Variants in CD37 observed in about 807,000 individuals in gnomAD.
CD37 encodes leukocyte antigen CD37.
In CD37, 37 loss-of-function variants were observed where a neutral mutation model predicts 38.9. The observed-to-expected ratio is 0.95, with a 90% confidence interval of 0.73 to 1.25. CD37 has a LOEUF of 1.25. Among genes scored for constraint, CD37 ranks in the 50% most tolerant of loss-of-function variants. The pLI is 0.00. For synonymous variants in CD37, 146 were observed against 150.1 expected (o/e 0.97, Z 0.20); for missense variants, 351 against 360.1 (o/e 0.97, Z 0.20).
At position 49,335,904 on chromosome 19, in the gene CD37, T is replaced by C. The variant is rs1241589378; in HGVS notation, c.142+118T>C. ...TCTGCAGGCAGGCTACAGGCTCCCA[T>C]CCACTGCTCACCGGAGGCTTCTTGG... On this transcript the variant is annotated intron_variant, in intron 2 of 7. Transcript: ENST00000323906. This position sits in a 1 kb window ranked among gnomAD's most constrained non-coding sequence, Gnocchi z 4.6. 8.7e-6 allele frequency: 7 copies of C among 801,536 alleles called. No individual in the cohort carries two copies. In the African/African-American group the frequency reaches 1.0e-4, roughly 12 times the overall value. The allele number at this position is 801,536 out of a possible 1,614,324, so 49.7% of individuals were successfully genotyped here. A position where few individuals can be genotyped will look rare whatever the true frequency, so the allele number is the denominator to read the frequency against.
At position 49,338,610 on chromosome 19, in the gene CD37, G is replaced by T; in HGVS notation, c.448-90G>T. 3 of 936,446 alleles carry T rather than the reference G, an allele frequency of 3.2e-6. No individual in the cohort carries two copies. Among genetic ancestry groups the T allele is most frequent in the South Asian group, 1.4e-5 (1 of 71,238 alleles). The allele number at this position is 936,446 out of a possible 1,614,324, so 58.0% of individuals were successfully genotyped here. A position where few individuals can be genotyped will look rare whatever the true frequency, so the allele number is the denominator to read the frequency against. ...CCCACCACTTAGTCCCCTGCTCCCC[G>T]ACCTGACCTCATACCCATCACCTTG... On this transcript the variant is annotated intron_variant, in intron 5 of 7. Coordinates refer to ENST00000323906, the MANE Select transcript of CD37 (RefSeq NM_001774.3). The surrounding 1 kb of genome is among the most constrained non-coding windows in gnomAD (Gnocchi z 5.0).
At position 49,338,697 on chromosome 19, in the gene CD37, C is replaced by G; in HGVS notation, c.448-3C>G. ...GTCCCTCTGACTCGTATCCCTCTCC[C>G]AGCTGCGCTGCTGCGGCTGGCACTA... is the stretch of plus-strand genomic sequence containing the variant. On this transcript the variant is annotated splice_polypyrimidine_tract_variant and splice_region_variant and intron_variant, in intron 5 of 7. Transcript: ENST00000323906. This position sits in a 1 kb window ranked among gnomAD's most constrained non-coding sequence, Gnocchi z 5.0. The G allele has an allele frequency of 6.2e-7, 1 of 1,607,464 alleles. No homozygotes were observed. The highest frequency in any genetic ancestry group is 8.5e-7 in the Non-Finnish European group (1 of 1,176,976).
chr19:49,339,228 G>T lies in CD37; in HGVS notation c.685-102G>T. The T allele has an allele frequency of 9.7e-7, 1 of 1,028,348 alleles. No individual in the cohort carries two copies. The highest frequency in any genetic ancestry group is 1.5e-6 in the Non-Finnish European group (1 of 672,378). The allele number at this position is 1,028,348 out of a possible 1,614,324, so 63.7% of individuals were successfully genotyped here. A position where few individuals can be genotyped will look rare whatever the true frequency, so the allele number is the denominator to read the frequency against. On this transcript the variant is annotated intron_variant, in intron 6 of 7. Coordinates refer to ENST00000323906, the MANE Select transcript of CD37 (RefSeq NM_001774.3). This position sits in a 1 kb window ranked among gnomAD's most constrained non-coding sequence, Gnocchi z 4.5. ...GAGTGCCCTGGTGACTAGGGGAGCG[G>T]GTAGATGCCTGAAGACGGTGAGGGT...
chr19:49,340,127 C>T (rs1056827837), intron 7 of CD37, 124 bp from the exon 8 acceptor site: 3 of 1,536,338 alleles, frequency 2.0e-6, no homozygotes, highest in Admixed American at 1.8e-5. Flanking sequence ...CTACCTATCC[C>T]CTTCTCCAGC....
rs1199196029 is a variant in CD37, at chr19:49,339,979, G to C, written c.769-272G>C. On this transcript the variant is annotated intron_variant, in intron 7 of 7. Transcript: ENST00000323906. The surrounding 1 kb of genome is among the most constrained non-coding windows in gnomAD (Gnocchi z 4.5). ...ATTAGAGGCTGAGGCAGAGGGGGAA[G>C]ACAGATGAGCCTCCAAAATAAAGGA... The C allele has an allele frequency of 2.8e-6, 4 of 1,428,604 alleles. No individual in the cohort carries two copies. The highest frequency in any genetic ancestry group is 3.7e-6 in the Non-Finnish European group (4 of 1,093,806). The allele number at this position is 1,428,604 out of a possible 1,614,324, so 88.5% of individuals were successfully genotyped here. A position where few individuals can be genotyped will look rare whatever the true frequency, so the allele number is the denominator to read the frequency against.
chr19:49,337,920 C>G lies in CD37; in HGVS notation c.343-5C>G. ...TAAGGCCCAGCCTCACTGGTGGCCT[C>G]TCAGCTGGAGCGAAGCTTGCGGGAC... On this transcript the variant is annotated splice_region_variant and splice_polypyrimidine_tract_variant and intron_variant, in intron 4 of 7. Transcript: ENST00000323906. 1 of 1,614,050 alleles carries G rather than the reference C, an allele frequency of 6.2e-7. No homozygotes were observed. Among genetic ancestry groups the G allele is most frequent in the Non-Finnish European group, 8.5e-7 (1 of 1,179,984 alleles).
intron 4 of CD37, chr19:49,337,517 G>A (rs1971001671): frequency 1.4e-6 from 1 of 739,652 alleles, no homozygotes; most frequent in African/African-American, 1.8e-5. Context: ...AGCTACTTGG[G>A]AGGTCGAGGT....
chr19:49,340,410 C>G lies in CD37; in HGVS notation c.*82C>G. The G allele has an allele frequency of 1.0e-6, 1 of 981,388 alleles. No individual in the cohort carries two copies. The highest frequency in any genetic ancestry group is 1.3e-5 in the South Asian group (1 of 76,908). 60.8% of individuals were successfully genotyped at this position (981,388 alleles called of 1,614,324 possible). A position where few individuals can be genotyped will look rare whatever the true frequency, so the allele number is the denominator to read the frequency against. On this transcript the variant is annotated 3_prime_UTR_variant, in exon 8 of 8. Transcript: ENST00000323906. ...TGCTGCCTGTAAATATTTGTTTAAT[C>G]CCCAGTTCGCCTGGAGCCCTCCGCC...
At position 49,335,699 on chromosome 19, in the gene CD37, A is replaced by G. The variant is rs1970927143; in HGVS notation, c.70-15A>G. 6.2e-7 allele frequency: 1 copy of G among 1,613,558 alleles called. No individual in the cohort carries two copies. The highest frequency in any genetic ancestry group is 2.2e-5 in the East Asian group (1 of 44,868). ...CCCTGTGGCCCACCCCCGTATCCGCATCTCCTCTCCCCAGGTCCTCGGCAG... is the reference window on the plus strand; with the variant it reads ...CCCTGTGGCCCACCCCCGTATCCGCGTCTCCTCTCCCCAGGTCCTCGGCAG... On this transcript the variant is annotated splice_polypyrimidine_tract_variant and intron_variant, in intron 1 of 7. Transcript: ENST00000323906. The surrounding 1 kb of genome is among the most constrained non-coding windows in gnomAD (Gnocchi z 4.6).
At chr19:49,336,016 G>T (rs1004458947) in intron 2 of CD37, 1 of 577,136 alleles carries the variant, frequency 1.7e-6, no homozygotes, top group East Asian at 2.8e-5. Flanking sequence ...CCTATCTGTC[G>T]GGACTTGTGG....
rs1231898411 is a variant in CD37, at chr19:49,339,174, G to T, written c.685-156G>T. 6.6e-6 allele frequency among the ~76,000 whole-genome samples: 1 copy of T among 152,136 alleles called. No individual in the cohort carries two copies. The highest frequency in any genetic ancestry group is 1.5e-5 in the Non-Finnish European group (1 of 68,020). On this transcript the variant is annotated intron_variant, in intron 6 of 7. Coordinates refer to ENST00000323906, the MANE Select transcript of CD37 (RefSeq NM_001774.3). The surrounding 1 kb of genome is among the most constrained non-coding windows in gnomAD (Gnocchi z 4.5). ...GGGAGGGGCCAGGCTTGGAAAAGGTGAAGCGAGGGTGCACTAGTAAGGAGA... is the reference window on the plus strand; with the variant it reads ...GGGAGGGGCCAGGCTTGGAAAAGGTTAAGCGAGGGTGCACTAGTAAGGAGA...
chr19:49,337,206 C>T lies in CD37; in HGVS notation c.327C>T (p.Ser109=), dbSNP rs771415817. The T allele has an allele frequency of 9.9e-6, 16 of 1,614,156 alleles. No individual in the cohort carries two copies. Among genetic ancestry groups the T allele is most frequent in the East Asian group, 2.2e-5 (1 of 44,884 alleles). ...AGATCACCCTGGGAATCCTCATCTC[C>T]ACTCAGCGGGCCCAGGTGAGCTTCC... ...ATQITLGILI[S]TQRAQLERSL... is the part of the protein sequence containing the mutation. Residue 109 remains serine (S), a synonymous_variant, in exon 4 of 8, where the codon TCC becomes TCT. Coordinates refer to ENST00000323906, the MANE Select transcript of CD37 (RefSeq NM_001774.3).
Position 49,338,937 on chromosome 19 carries a change from G to C in CD37, c.684+1G>C, listed in dbSNP as rs1183392634. ...TGCAGAGAGCCACATCTACCGCGAG[G>C]TGGGCAGGGGTTCGGAGCATAAACC... On this transcript the variant is annotated splice_donor_variant, in intron 6 of 7. Coordinates refer to ENST00000323906, the MANE Select transcript of CD37 (RefSeq NM_001774.3). LOFTEE classifies it high-confidence loss of function. The surrounding 1 kb of genome is among the most constrained non-coding windows in gnomAD (Gnocchi z 5.0). 1.2e-5 allele frequency: 19 copies of C among 1,610,250 alleles called. No homozygotes were observed. Among genetic ancestry groups the C allele is most frequent in the Non-Finnish European group, 1.5e-5 (18 of 1,176,988 alleles).
rs1971122133 is a variant in CD37 at position 49,339,612 on chromosome 19, A to T, written c.768+199A>T. On this transcript the variant is annotated intron_variant, in intron 7 of 7. Transcript: ENST00000323906. The surrounding 1 kb of genome is among the most constrained non-coding windows in gnomAD (Gnocchi z 4.5). ...GAGCCCTGATTGGGTGTACGCAGGGAAAGCCTCCTGCTATTGGCTGCGATC... is the reference window on the plus strand; with the variant it reads ...GAGCCCTGATTGGGTGTACGCAGGGTAAGCCTCCTGCTATTGGCTGCGATC... The T allele has an allele frequency of 7.0e-7, 1 of 1,437,552 alleles. No individual in the cohort carries two copies. The highest frequency in any genetic ancestry group is 9.1e-7 in the Non-Finnish European group (1 of 1,100,678). 89.0% of individuals were successfully genotyped at this position (1,437,552 alleles called of 1,614,324 possible). A position where few individuals can be genotyped will look rare whatever the true frequency, so the allele number is the denominator to read the frequency against.
chr19:49,340,142 T>TCC, intron 7 of CD37, 109 bp from the exon 8 acceptor site: 1 of 1,515,408 alleles, frequency 6.6e-7, no homozygotes, highest in Non-Finnish European at 9.0e-7. Flanking sequence ...TCCAGCCCCT[T>TCC]CCCGCCCAAT....
At position 49,339,245 on chromosome 19, in the gene CD37, G is replaced by C. The variant is rs1971093958; in HGVS notation, c.685-85G>C. The C allele has an allele frequency of 1.6e-6, 2 of 1,220,726 alleles. No individual in the cohort carries two copies. The highest frequency in any genetic ancestry group is 2.6e-5 in the South Asian group (2 of 77,262). 75.6% of individuals were successfully genotyped at this position (1,220,726 alleles called of 1,614,324 possible). The stretch of plus-strand genomic sequence containing the variant: ...GGGGAGCGGGTAGATGCCTGAAGAC[G>C]GTGAGGGTTGGCCTGAAAAGAACGC... On this transcript the variant is annotated intron_variant, in intron 6 of 7. Coordinates refer to ENST00000323906, the MANE Select transcript of CD37 (RefSeq NM_001774.3). The surrounding 1 kb of genome is among the most constrained non-coding windows in gnomAD (Gnocchi z 4.5).
Position 49,339,350 on chromosome 19 carries a change from G to A in CD37, c.705G>A (p.Gln235=). 1 of 1,614,084 alleles carries A rather than the reference G, an allele frequency of 6.2e-7. No homozygotes were observed. Among genetic ancestry groups the A allele is most frequent in the Non-Finnish European group, 8.5e-7 (1 of 1,179,960 alleles). Residue 235 remains glutamine (Q), a synonymous_variant, in exon 7 of 8, where the codon CAG becomes CAA. Coordinates refer to ENST00000323906, the MANE Select transcript of CD37 (RefSeq NM_001774.3). This position sits in a 1 kb window ranked among gnomAD's most constrained non-coding sequence, Gnocchi z 4.5. The part of the protein sequence containing the change: ...IYREGCAQGL[Q]KWLHNNLISI... ...CCCAGGGCTGCGCGCAGGGCCTCCA[G>A]AAGTGGCTGCACAACAACCTTATTT...
chr19:49,336,173 A>C, intron 2 of CD37: 2 of 227,578 alleles, frequency 8.8e-6, no homozygotes, highest in Non-Finnish European at 1.8e-5. Flanking sequence ...CTAAATAATA[A>C]TGAAATATAA....
rs1971032899 is a variant in CD37, at chr19:49,338,183, C to T, written c.447+154C>T. On this transcript the variant is annotated intron_variant, in intron 5 of 7. Coordinates refer to ENST00000323906, the MANE Select transcript of CD37 (RefSeq NM_001774.3). The surrounding 1 kb of genome is among the most constrained non-coding windows in gnomAD (Gnocchi z 5.0). ...CCGACGCTCCCCACTCCCCAGATGA[C>T]ACAACTGTCCCCGGCGTCGCCTGGT... The T allele has an allele frequency of 6.9e-7, 1 of 1,441,514 alleles. No individual in the cohort carries two copies. The highest frequency in any genetic ancestry group is 9.1e-7 in the Non-Finnish European group (1 of 1,101,084). 89.3% of individuals were successfully genotyped at this position (1,441,514 alleles called of 1,614,324 possible). A position where few individuals can be genotyped will look rare whatever the true frequency, so the allele number is the denominator to read the frequency against.
Sources: gnomAD v4.1 joint callset for allele counts (sites outside exome capture counted in the v4.1 genomes callset) on GRCh38, gnomAD v4.1.1 for gene constraint, Gnocchi (gnomAD v3.1) non-coding constraint, MANE v1.5 for transcripts, NCBI Gene and HGNC (gene_info 2026-07-23, HGNC 2026-07-21) for gene names.